The following WWOX variants were observed in gnomAD, a reference collection of about 807,000 sequenced individuals.
WWOX encodes WW domain containing oxidoreductase, also known as WW domain-containing oxidoreductase.
WWOX carries 69 observed loss-of-function variants against 46.2 expected under a neutral mutation model. That is an observed-to-expected ratio of 1.49 (90% CI 1.23 to 1.82). The LOEUF (loss-of-function observed/expected upper bound fraction) is 1.82, where lower values mean the gene tolerates loss of function less well. WWOX is among the 40% of genes most tolerant of loss of function. The pLI, the probability that WWOX is intolerant of heterozygous loss-of-function variation, is 0.00. For synonymous variants in WWOX, 359 were observed against 202.6 expected (o/e 1.77, Z -6.56); for missense variants, 919 against 542.6 (o/e 1.69, Z -6.89).
At chr16:78,441,512 T>A (rs551672321) in intron 8 of WWOX, among the ~76,000 whole-genome samples, 2 of 152,160 alleles carry the variant, frequency 1.3e-5, no homozygotes, top group South Asian at 4.2e-4. Flanking sequence ...AGGCTCATGG[T>A]CAAATGACAT....
chr16:78,859,000 TTAAAAAAAAAAAA>T (rs1450952256), intron 8 of WWOX, among the ~76,000 whole-genome samples: 1,260 of 79,470 alleles, frequency 0.016, 23 homozygotes, highest in Non-Finnish European at 0.021. Context: ...GTTTTGAAAT[TTAAAAAAAAAAAA>T]AAAAAAAAAA....
chr16:78,860,579 C>G (rs2052693224), intron 8 of WWOX, among the ~76,000 whole-genome samples: 1 of 152,218 alleles, frequency 6.6e-6, no homozygotes, highest in African/African-American at 2.4e-5. Flanking sequence ...AGAAAAGTCC[C>G]TATCCTGGTG....
At chr16:79,177,228 T>A (rs2050817724) in intron 8 of WWOX, among the ~76,000 whole-genome samples, 2 of 152,184 alleles carry the variant, frequency 1.3e-5, no homozygotes, top group South Asian at 2.1e-4. Context: ...CTGGATCTTA[T>A]CAGCCGCGAG....
At chr16:79,034,249 T>C (rs886675169) in intron 8 of WWOX, among the ~76,000 whole-genome samples, 2 of 152,200 alleles carry the variant, frequency 1.3e-5, no homozygotes, top group African/African-American at 4.8e-5. Context: ...GTAAAAATAG[T>C]TCACTGTCTC....
Position 78,340,469 on chromosome 16 carries a change from A to T in WWOX, c.517-46391A>T, listed in dbSNP as rs2080992997. On this transcript the variant is annotated intron_variant, in intron 5 of 8. Coordinates refer to ENST00000566780, the MANE Select transcript of WWOX (RefSeq NM_016373.4). Reference sequence around the variant, plus strand: ...GGTGATCTGCCCATCTCAGCCTCCCAATGTGCTAGGATTACAGGCATGAAC... The same window carrying T: ...GGTGATCTGCCCATCTCAGCCTCCCTATGTGCTAGGATTACAGGCATGAAC... 1.7e-5 allele frequency among the ~76,000 whole-genome samples: 2 copies of T among 120,350 alleles called. 1 individual carries two copies. The highest frequency in any genetic ancestry group is 5.0e-4 in the South Asian group (2 of 4,014). 79.0% of individuals were successfully genotyped at this position (120,350 alleles called of 152,430 possible).
At chr16:78,489,142 G>GT (rs1944716070) in intron 8 of WWOX, among the ~76,000 whole-genome samples, 1 of 152,176 alleles carries the variant, frequency 6.6e-6, no homozygotes, top group African/African-American at 2.4e-5. Flanking sequence ...GTTCTGTTAA[G>GT]TTTTTTATAG....
intron 5 of WWOX, among the ~76,000 whole-genome samples, chr16:78,220,415 C>G (rs2036851112): frequency 1.3e-5 from 2 of 151,708 alleles, no homozygotes; most frequent in African/African-American, 4.8e-5. Context: ...TATAACAATG[C>G]TATTTTGGGT....
At chr16:79,134,281 G>A (rs1161618290) in intron 8 of WWOX, among the ~76,000 whole-genome samples, 1 of 152,170 alleles carries the variant, frequency 6.6e-6, no homozygotes, top group Non-Finnish European at 1.5e-5. Flanking sequence ...TCTGGGACTG[G>A]TGGCACAGGC....
chr16:78,266,788 T>TCTCTCTC (rs2079370645), intron 5 of WWOX, among the ~76,000 whole-genome samples: 1 of 115,532 alleles, frequency 8.7e-6, no homozygotes, highest in South Asian at 3.3e-4. Context: ...TATTCTTCTA[T>TCTCTCTC]TCTCTCTCTC....
rs1339670733 is a variant in WWOX at position 78,429,411 on chromosome 16, A to C, written c.792-3077A>C. ...TCATTCTCTCCCTGACTTCCACCCA[A>C]AAAATCACCATGATATCCAGCTGTG... On this transcript the variant is annotated intron_variant, in intron 7 of 8. Transcript: ENST00000566780. 3.3e-5 allele frequency among the ~76,000 whole-genome samples: 5 copies of C among 152,318 alleles called. No homozygotes were observed. The East Asian group carries it at 9.7e-4, about 29-fold the overall frequency.
At chr16:78,719,744 C>G (rs1405765408) in intron 8 of WWOX, among the ~76,000 whole-genome samples, 4 of 152,152 alleles carry the variant, frequency 2.6e-5, no homozygotes, top group Non-Finnish European at 5.9e-5. Flanking sequence ...TATCACTTAA[C>G]TTTAAGCTTC....
intron 8 of WWOX, among the ~76,000 whole-genome samples, chr16:78,901,188 G>A (rs8064038): frequency 0.2 from 29,929 of 152,112 alleles, 6,735 homozygotes; most frequent in African/African-American, 0.55. Context: ...ATCCATGAGA[G>A]TAGGTGCTGA....
At chr16:78,443,474 G>A in intron 8 of WWOX, among the ~76,000 whole-genome samples, 1 of 152,062 alleles carries the variant, frequency 6.6e-6, no homozygotes, top group South Asian at 2.1e-4. Flanking sequence ...GGAAACATTG[G>A]CCACTTTCTT....
chr16:79,095,522 G>C (rs72795696), intron 8 of WWOX, among the ~76,000 whole-genome samples: 1 of 152,180 alleles, frequency 6.6e-6, no homozygotes, highest in Non-Finnish European at 1.5e-5. Context: ...GTCCTCTTCA[G>C]ATGAGGAGAT....
rs537991870 is a variant in WWOX at position 78,476,657 on chromosome 16, A to T, written c.1056+43905A>T. Among the ~76,000 whole-genome samples, 12 of 152,096 alleles carry T rather than the reference A, an allele frequency of 7.9e-5. No homozygotes were observed. The South Asian group carries it at 2.5e-3, about 32-fold the overall frequency. Reference sequence around the variant, plus strand: ...AACTGGAGCATCGACTTTCGTTTTCATTTCAAGACCCGTCCCCCATGATCA... The same window carrying T: ...AACTGGAGCATCGACTTTCGTTTTCTTTTCAAGACCCGTCCCCCATGATCA... On this transcript the variant is annotated intron_variant, in intron 8 of 8. Transcript: ENST00000566780.
rs543775666 is a variant in WWOX at position 78,437,326 on chromosome 16, ATTG to A, written c.1056+4578_1056+4580del. Among the ~76,000 whole-genome samples the A allele has an allele frequency of 3.0e-4, 45 of 152,334 alleles. 1 individual carries two copies. The East Asian group carries it at 8.1e-3, about 27-fold the overall frequency. ...TATTTTAAGTGCCTCTTTAAGGAATATTGTTGCAGATCAGTAATTTTACAATTG... is the reference window on the plus strand; with the variant it reads ...TATTTTAAGTGCCTCTTTAAGGAATATTGCAGATCAGTAATTTTACAATTG... On this transcript the variant is annotated intron_variant, in intron 8 of 8. Transcript: ENST00000566780.
In WWOX at chr16:78,874,216, G is replaced by T. The variant is rs919285534; in HGVS notation, c.1057-337392G>T. 8.1e-5 allele frequency among the ~76,000 whole-genome samples: 12 copies of T among 148,726 alleles called. 1 individual carries two copies. In the Admixed American group the frequency reaches 8.1e-4, roughly 10 times the overall value. ...GGTTGCAGTGAGCTGAGATGGCGCC[G>T]CTGCACTCTAGCATGGGCGACAGAG... On this transcript the variant is annotated intron_variant, in intron 8 of 8. Coordinates refer to ENST00000566780, the MANE Select transcript of WWOX (RefSeq NM_016373.4).
intron 5 of WWOX, among the ~76,000 whole-genome samples, chr16:78,374,595 C>T (rs908873033): frequency 7.5e-6 from 1 of 133,650 alleles, no homozygotes; most frequent in African/African-American, 2.9e-5. Context: ...GTCGCCCAGG[C>T]TGGAGTGCAG....
At chr16:78,561,857 T>A (rs2044446067) in intron 8 of WWOX, among the ~76,000 whole-genome samples, 1 of 152,126 alleles carries the variant, frequency 6.6e-6, no homozygotes, top group African/African-American at 2.4e-5. Context: ...GGAAGTGAAT[T>A]GAAAATAGTT....
Sources: allele counts gnomAD v4.1 joint callset (sites outside exome capture counted in the v4.1 genomes callset), GRCh38; gene constraint gnomAD v4.1.1; transcripts MANE v1.5; gene names NCBI Gene and HGNC (gene_info 2026-07-23, HGNC 2026-07-21).